Variants in IQCM observed in about 807,000 individuals in gnomAD.
The protein encoded by IQCM is IQ domain-containing protein M.
In IQCM, 45 loss-of-function variants were observed where a neutral mutation model predicts 57.6. That is an observed-to-expected ratio of 0.78 (90% confidence interval 0.62 to 1.00). The LOEUF (loss-of-function observed/expected upper bound fraction) is 1.00. Ranked by LOEUF, IQCM falls within the 50% of genes least tolerant of loss-of-function variation. The pLI is 0.00. For missense variants in IQCM, 468 were observed against 511.6 expected, an observed-to-expected ratio of 0.91 and a Z score of 0.82; for synonymous variants, 148 against 158.9, an observed-to-expected ratio of 0.93 and a Z score of 0.51.
Position 149,604,121 on chromosome 4 carries a change from CA to C in IQCM, c.682-16125del, listed in dbSNP as rs369500305. On this transcript the variant is annotated intron_variant, in intron 8 of 13. Coordinates refer to ENST00000636793, the MANE Select transcript of IQCM (RefSeq NM_001363507.2). ...GTGGCAAAACCTGACCTAAGCTGACCAACACAAGGCCTATATAGTGGCCTCT... is the reference window on the plus strand; with the variant it reads ...GTGGCAAAACCTGACCTAAGCTGACCACACAAGGCCTATATAGTGGCCTCT... 6.6e-5 allele frequency among the ~76,000 whole-genome samples: 10 copies of C among 152,156 alleles called. No homozygotes were observed. In the East Asian group the frequency reaches 1.9e-3, roughly 29 times the overall value.
chr4:149,692,239 G>A (rs1561163008), intron 5 of IQCM, among the ~76,000 whole-genome samples: 3 of 152,130 alleles, frequency 2.0e-5, no homozygotes, highest in Non-Finnish European at 4.4e-5. Context: ...TGTGATTGAT[G>A]TAGGGGGAAA....
At chr4:149,361,111 T>C (rs938602781) in intron 13 of IQCM, among the ~76,000 whole-genome samples, 12 of 152,178 alleles carry the variant, frequency 7.9e-5, no homozygotes, top group Admixed American at 5.9e-4. Flanking sequence ...ACTGGCGGCA[T>C]TTTGCCCCTG....
At chr4:149,790,117 A>G (rs1772454727) in intron 2 of IQCM, 1 of 680,380 alleles carries the variant, frequency 1.5e-6, no homozygotes, top group Non-Finnish European at 2.3e-6. Flanking sequence ...AACAGCCCTT[A>G]TTTACTCTAT....
intron 12 of IQCM, among the ~76,000 whole-genome samples, chr4:149,495,774 A>C (rs1026115026): frequency 3.9e-5 from 6 of 152,250 alleles, no homozygotes. Flanking sequence ...ACTCAGTTAG[A>C]GAAGCCAAGA....
chr4:149,530,728 T>G (rs1010618327), intron 12 of IQCM, among the ~76,000 whole-genome samples: 2 of 151,862 alleles, frequency 1.3e-5, no homozygotes, highest in Admixed American at 1.3e-4. Flanking sequence ...GGCTAACACC[T>G]TATCCAATGA....
At chr4:149,430,371 G>A (rs1560828561) in intron 13 of IQCM, among the ~76,000 whole-genome samples, 1 of 151,890 alleles carries the variant, frequency 6.6e-6, no homozygotes, top group African/African-American at 2.4e-5. Context: ...GGCATAAAAT[G>A]TATACAATAA....
chr4:149,389,169 AATTTTGGAAGGGATCCAAATTC>A (rs1731664502), intron 13 of IQCM, among the ~76,000 whole-genome samples: 1 of 151,948 alleles, frequency 6.6e-6, no homozygotes, highest in East Asian at 1.9e-4. Context: ...TTGTGTATGT[AATTTTGGAAGGGATCCAAATTC>A]ATTCTTTAGG....
intron 13 of IQCM, among the ~76,000 whole-genome samples, chr4:149,425,236 A>T (rs1354088229): frequency 6.6e-6 from 1 of 152,046 alleles, no homozygotes; most frequent in Non-Finnish European, 1.5e-5. Flanking sequence ...AATTTTATCC[A>T]TCAGGGATTT....
At chr4:149,718,525 A>G (rs1289710857) in intron 5 of IQCM, among the ~76,000 whole-genome samples, 1 of 152,256 alleles carries the variant, frequency 6.6e-6, no homozygotes, top group Non-Finnish European at 1.5e-5. Context: ...ATTATTTTAG[A>G]AAAATGATGT....
intron 12 of IQCM, among the ~76,000 whole-genome samples, chr4:149,512,788 A>C (rs1446880360): frequency 6.6e-6 from 1 of 152,216 alleles, no homozygotes. Flanking sequence ...CAGTGTTCTG[A>C]ATAACTTTTA....
chr4:149,778,259 C>T (rs534849361), intron 2 of IQCM, among the ~76,000 whole-genome samples: 3 of 152,124 alleles, frequency 2.0e-5, no homozygotes, highest in East Asian at 1.9e-4. Context: ...GCCTGTAGTC[C>T]CAGCTACTCA....
intron 12 of IQCM, among the ~76,000 whole-genome samples, chr4:149,539,099 C>T (rs552577134): frequency 1.8e-4 from 28 of 152,118 alleles, no homozygotes; most frequent in African/African-American, 6.5e-4. Flanking sequence ...AAATTAAAAC[C>T]ACAATGAGAT....
intron 13 of IQCM, among the ~76,000 whole-genome samples, chr4:149,407,521 C>T (rs901801386): frequency 6.6e-6 from 1 of 152,058 alleles, no homozygotes; most frequent in African/African-American, 2.4e-5. Flanking sequence ...ACTCAATGTC[C>T]ATGTACCCAT....
At chr4:149,423,907 C>G (rs1203911749) in intron 13 of IQCM, among the ~76,000 whole-genome samples, 4 of 151,780 alleles carry the variant, frequency 2.6e-5, no homozygotes, top group Admixed American at 2.6e-4. Context: ...TGTTAAAGAA[C>G]TGCCATACTA....
chr4:149,672,042 G>C (rs1761337330), intron 7 of IQCM, among the ~76,000 whole-genome samples: 1 of 152,098 alleles, frequency 6.6e-6, no homozygotes, highest in African/African-American at 2.4e-5. Context: ...AACTCCAACA[G>C]ACCTGCAGCT....
Position 149,508,968 on chromosome 4 carries a change from C to G in IQCM, c.1228+39487G>C, listed in dbSNP as rs539189611. 2.6e-5 allele frequency among the ~76,000 whole-genome samples: 4 copies of G among 152,274 alleles called. No homozygotes were observed. In the South Asian group the frequency reaches 8.3e-4, roughly 32 times the overall value. ...GATGGTTTTAAAAAGGGGAGTTTCC[C>G]TGCACAAACTCTCTTCTCTTGTCTG... On this transcript the variant is annotated intron_variant, in intron 12 of 13. Transcript: ENST00000636793.
rs368845262 is a variant in IQCM, at chr4:149,479,630, T to C, written c.1229-46073A>G. The stretch of plus-strand genomic sequence containing the variant: ...CAAGGAGTTCCTCCTTCTTTTTCTT[T>C]CCTTCCCTTTCTGAACAAGTCAGAT... On this transcript the variant is annotated intron_variant, in intron 12 of 13. Transcript: ENST00000636793. Among the ~76,000 whole-genome samples the C allele has an allele frequency of 5.3e-5, 8 of 152,354 alleles. No individual in the cohort carries two copies. The South Asian group carries it at 1.4e-3, about 28-fold the overall frequency.
chr4:149,750,986 T>G (rs1278219964), intron 2 of IQCM, among the ~76,000 whole-genome samples: 2 of 152,196 alleles, frequency 1.3e-5, no homozygotes, highest in Non-Finnish European at 2.9e-5. Flanking sequence ...TTCTTTTTTA[T>G]CTCTATAAAC....
At chr4:149,581,684 C>A in intron 9 of IQCM, among the ~76,000 whole-genome samples, 1 of 151,534 alleles carries the variant, frequency 6.6e-6, no homozygotes, top group East Asian at 2.0e-4. Flanking sequence ...GGGTTGGGTT[C>A]CACTTTACAC....
Sources: allele counts gnomAD v4.1 joint callset (sites outside exome capture counted in the v4.1 genomes callset), GRCh38; gene constraint gnomAD v4.1.1; transcripts MANE v1.5; gene names NCBI Gene and HGNC (gene_info 2026-07-23, HGNC 2026-07-21).